RARB: variants seen among roughly 807,000 people sequenced by gnomAD.
The protein encoded by RARB is HBV-activated protein.
In RARB, 17 loss-of-function variants were observed where a neutral mutation model predicts 51.9. That is an observed-to-expected ratio of 0.33 (90% CI 0.22 to 0.49). RARB has a LOEUF of 0.49. RARB is among the 20% of genes least tolerant of loss of function. RARB has a pLI of 0.99. For missense variants in RARB, 369 were observed against 550.8 expected (o/e 0.67, Z 3.30); for synonymous variants, 215 against 195.4 (o/e 1.10, Z -0.84).
At chr3:25,129,094 A>G (rs1182426842) in intron 3 of RARB, among the ~76,000 whole-genome samples, 1 of 152,062 alleles carries the variant, frequency 6.6e-6, no homozygotes, top group African/African-American at 2.4e-5. Flanking sequence ...TAAGAATTTT[A>G]TGTTTGGTAG....
At position 25,206,484 on chromosome 3, in the gene RARB, A is replaced by G. The variant is rs139281708; in HGVS notation, c.178+31909A>G. 6.2e-3 allele frequency among the ~76,000 whole-genome samples: 950 copies of G among 152,304 alleles called. 18 individuals are homozygous for G. The highest frequency in any genetic ancestry group is 0.03 in the East Asian group (155 of 5,180). The stretch of plus-strand genomic sequence containing the variant: ...AATGAGGTCTTTTGACTGAAGATAT[A>G]GTTCCAACTCAGATCTACTAAGTAT... On this transcript the variant is annotated intron_variant, in intron 5 of 11. Coordinates refer to the RARB transcript ENST00000383772.
At chr3:25,239,755 T>G (rs1159127463) in intron 5 of RARB, among the ~76,000 whole-genome samples, 1 of 152,202 alleles carries the variant, frequency 6.6e-6, no homozygotes, top group Non-Finnish European at 1.5e-5. Flanking sequence ...GCTTTGTTTT[T>G]TGTGTTCAGG....
chr3:25,122,503 A>T (rs1243674358), intron 3 of RARB, among the ~76,000 whole-genome samples: 3 of 152,122 alleles, frequency 2.0e-5, no homozygotes, highest in Non-Finnish European at 4.4e-5. Flanking sequence ...GGACATTCTT[A>T]TATGCAGAAT....
intron 3 of RARB, among the ~76,000 whole-genome samples, chr3:25,061,306 G>A (rs1698544546): frequency 6.6e-6 from 1 of 151,764 alleles, no homozygotes; most frequent in Admixed American, 6.6e-5. Context: ...ACATATCAAA[G>A]TGTACTGGGA....
chr3:25,473,397 T>A (rs1695795202), intron 2 of RARB, among the ~76,000 whole-genome samples: 1 of 152,138 alleles, frequency 6.6e-6, no homozygotes, highest in East Asian at 1.9e-4. Flanking sequence ...AAGCTGGGGT[T>A]CTGGCAGGCC....
intron 1 of RARB, among the ~76,000 whole-genome samples, chr3:25,444,015 A>G (rs1708820475): frequency 6.6e-6 from 1 of 152,050 alleles, no homozygotes; most frequent in South Asian, 2.1e-4. Flanking sequence ...TTGCTTCCCC[A>G]CCCCCATGAT....
chr3:25,480,049 G>C (rs1265829420), intron 2 of RARB, among the ~76,000 whole-genome samples: 1 of 152,208 alleles, frequency 6.6e-6, no homozygotes, highest in East Asian at 1.9e-4. Flanking sequence ...GCGGAATATT[G>C]TAGAGGTGTG....
chr3:25,048,811 A>C (rs1273224952), intron 2 of RARB, among the ~76,000 whole-genome samples: 1 of 131,694 alleles, frequency 7.6e-6, no homozygotes, highest in Non-Finnish European at 1.5e-5. Context: ...GCTGGAGTGC[A>C]GTGGCGCGAT....
intron 5 of RARB, among the ~76,000 whole-genome samples, chr3:25,421,245 A>G (rs1707849835): frequency 6.6e-6 from 1 of 151,874 alleles, no homozygotes. Flanking sequence ...TGCAGCCCCT[A>G]CCCCCTCCAC....
At chr3:25,262,338 A>G (rs541694370) in intron 5 of RARB, among the ~76,000 whole-genome samples, 2 of 152,272 alleles carry the variant, frequency 1.3e-5, no homozygotes, top group East Asian at 3.9e-4. Flanking sequence ...TTTCACCTGC[A>G]AGTTAGGCTC....
chr3:24,879,289 C>G (rs1000567762), intron 2 of RARB, among the ~76,000 whole-genome samples: 1 of 151,758 alleles, frequency 6.6e-6, no homozygotes, highest in Admixed American at 6.6e-5. Flanking sequence ...ATTAGCCGGG[C>G]GTGGTGGCGG....
At chr3:25,284,596 G>T (rs1292057963) in intron 5 of RARB, among the ~76,000 whole-genome samples, 1 of 152,070 alleles carries the variant, frequency 6.6e-6, no homozygotes, top group Non-Finnish European at 1.5e-5. Context: ...TAAAATATAG[G>T]TTGTCAGCAA....
At chr3:25,255,797 A>C (rs1490023734) in intron 5 of RARB, among the ~76,000 whole-genome samples, 2 of 152,164 alleles carry the variant, frequency 1.3e-5, no homozygotes, top group African/African-American at 2.4e-5. Flanking sequence ...TGAAAACAAT[A>C]GTTTTAAAAA....
At chr3:25,129,797 A>AT (rs1306048973) in intron 3 of RARB, among the ~76,000 whole-genome samples, 2 of 152,094 alleles carry the variant, frequency 1.3e-5, no homozygotes, top group Non-Finnish European at 2.9e-5. Flanking sequence ...TGTAGCCATC[A>AT]TTTGTCATTA....
chr3:25,418,310 T>C (rs1213353537), intron 5 of RARB, among the ~76,000 whole-genome samples: 2 of 152,174 alleles, frequency 1.3e-5, no homozygotes, highest in Admixed American at 1.3e-4. Flanking sequence ...TTCTATCGAA[T>C]GTGTGAATAC....
chr3:25,470,161 G>A (rs1470692085), intron 2 of RARB, among the ~76,000 whole-genome samples: 1 of 152,048 alleles, frequency 6.6e-6, no homozygotes, highest in Non-Finnish European at 1.5e-5. Flanking sequence ...ATTAGCTCCT[G>A]GAACTTCTAA....
intron 4 of RARB, among the ~76,000 whole-genome samples, chr3:25,159,414 C>CCCA (rs1553638592): frequency 8.5e-6 from 1 of 117,278 alleles, no homozygotes; most frequent in Non-Finnish European, 1.9e-5. Context: ...GATGATCCAC[C>CCCA]CCCCCCGCTC....
At chr3:25,125,820 C>A (rs1047417959) in intron 3 of RARB, among the ~76,000 whole-genome samples, 7 of 152,124 alleles carry the variant, frequency 4.6e-5, no homozygotes, top group Admixed American at 2.6e-4. Flanking sequence ...TGATTAATAA[C>A]CCCTCTGTAC....
chr3:24,838,401 A>G (rs1702371061), intron 1 of RARB, among the ~76,000 whole-genome samples: 1 of 152,176 alleles, frequency 6.6e-6, no homozygotes, highest in Non-Finnish European at 1.5e-5. Flanking sequence ...AGAGTGACAG[A>G]TAGCATGGCC....
Sources: gnomAD v4.1 joint callset for allele counts (sites outside exome capture counted in the v4.1 genomes callset) on GRCh38, gnomAD v4.1.1 for gene constraint, MANE v1.5 for transcripts, NCBI Gene and HGNC (gene_info 2026-07-23, HGNC 2026-07-21) for gene names.